FAAH2: variants seen among roughly 807,000 people sequenced by gnomAD.
FAAH2 encodes the protein fatty-acid amide hydrolase 2.
A neutral mutation model predicts 36.9 loss-of-function variants in FAAH2; 60 were observed. The observed-to-expected ratio is 1.63, with a 90% CI of 1.32 to 2.02. The LOEUF is 2.02. Among genes scored for constraint, FAAH2 ranks in the 30% most tolerant of loss-of-function variants. The pLI, the probability that FAAH2 is intolerant of heterozygous loss-of-function variation, is 0.00. For synonymous variants in FAAH2, 214 were observed against 143.8 expected, an observed-to-expected ratio of 1.49 and a Z score of -3.49; for missense variants, 689 against 397.5, an observed-to-expected ratio of 1.73 and a Z score of -6.23.
chrX:57,459,062 C>A (rs1228879746), intron 10 of FAAH2, among the ~76,000 whole-genome samples: 1 of 112,341 alleles, frequency 8.9e-6, no homozygotes. Context: ...TGGAGACAAG[C>A]AAGCTAAGAA....
chrX:57,354,638 G>T (rs1406960560), intron 5 of FAAH2, among the ~76,000 whole-genome samples: 4 of 110,628 alleles, frequency 3.6e-5, no homozygotes, highest in Non-Finnish European at 7.6e-5. Flanking sequence ...TGTCTGTGTT[G>T]TCATCTAAGT....
chrX:57,158,245 T>A, the FAAH2 span, among the ~76,000 whole-genome samples: 2 of 112,184 alleles, frequency 1.8e-5, no homozygotes, highest in Non-Finnish European at 3.8e-5. Context: ...ATCCAGTCTA[T>A]CATTGTTGGA....
chrX:57,135,535 G>A, the FAAH2 span: 1 of 398,562 alleles, frequency 2.5e-6, no homozygotes, highest in Non-Finnish European at 4.2e-6. Flanking sequence ...GACTGATTAT[G>A]ATTCTAGCTG....
At chrX:57,303,534 A>G (rs2052436883) in intron 2 of FAAH2, among the ~76,000 whole-genome samples, 1 of 112,077 alleles carries the variant, frequency 8.9e-6, no homozygotes, top group African/African-American at 3.2e-5. Context: ...TACTGTGTTT[A>G]TGCATTATGA....
At chrX:57,216,541 TAC>T in the FAAH2 span, among the ~76,000 whole-genome samples, 2 of 58,313 alleles carry the variant, frequency 3.4e-5, no homozygotes, top group East Asian at 4.8e-4. Flanking sequence ...TATATATATA[TAC>T]GTATATGTAT....
chrX:57,364,368 A>G lies in FAAH2; in HGVS notation c.743-14283A>G, dbSNP rs1315448584. Among the ~76,000 whole-genome samples the G allele has an allele frequency of 3.0e-5, 3 of 100,126 alleles. No homozygotes were observed. The East Asian group carries it at 9.6e-4, about 32-fold the overall frequency. The allele number at this position is 100,126 out of a possible 115,157, so 86.9% of individuals were successfully genotyped here. A position where few individuals can be genotyped will look rare whatever the true frequency, so the allele number is the denominator to read the frequency against. On this transcript the variant is annotated intron_variant, in intron 5 of 10. Transcript: ENST00000374900. ...GAGGTGTTTGTAATAGTCTCTACAG[A>G]TTTTTTTGTGTTTCTGTGTGGTCAC...
chrX:57,157,818 T>C, the FAAH2 span, among the ~76,000 whole-genome samples: 3 of 111,210 alleles, frequency 2.7e-5, no homozygotes, highest in African/African-American at 9.8e-5. Context: ...TTTTTATTTT[T>C]TATTTTTTAT....
intron 7 of FAAH2, among the ~76,000 whole-genome samples, chrX:57,409,837 GT>G (rs1033336599): frequency 9.2e-6 from 1 of 109,256 alleles, no homozygotes; most frequent in African/African-American, 3.3e-5. Flanking sequence ...TTGTTCTTCA[GT>G]TTTTTAAAAA....
intron 3 of FAAH2, among the ~76,000 whole-genome samples, chrX:57,311,518 C>A (rs951721163): frequency 9.0e-6 from 1 of 111,700 alleles, no homozygotes; most frequent in Non-Finnish European, 1.9e-5. Context: ...GGGCTTGGAG[C>A]CTGGAAGCTT....
chrX:57,165,556 T>G, the FAAH2 span, among the ~76,000 whole-genome samples: 14 of 101,469 alleles, frequency 1.4e-4, no homozygotes, highest in African/African-American at 4.0e-4. Flanking sequence ...TGGGGGAGGG[T>G]GGAGGGATAG....
intron 10 of FAAH2, among the ~76,000 whole-genome samples, chrX:57,449,610 C>T (rs1214914930): frequency 1.8e-5 from 2 of 111,202 alleles, no homozygotes; most frequent in Non-Finnish European, 3.8e-5. Flanking sequence ...TTACTCTCTC[C>T]CTGGCTTTGA....
chrX:57,161,790 C>G, the FAAH2 span, among the ~76,000 whole-genome samples: 1 of 111,712 alleles, frequency 9.0e-6, no homozygotes, highest in South Asian at 3.8e-4. Flanking sequence ...ATACAGCACA[C>G]TGATGGGTCT....
At chrX:57,432,930 C>T (rs1219964328) in intron 8 of FAAH2, among the ~76,000 whole-genome samples, 1 of 107,858 alleles carries the variant, frequency 9.3e-6, no homozygotes, top group Non-Finnish European at 1.9e-5. Context: ...CATACAATAG[C>T]CCTTCCATAA....
the FAAH2 span, among the ~76,000 whole-genome samples, chrX:57,129,693 AT>A: frequency 8.9e-6 from 1 of 112,153 alleles, no homozygotes; most frequent in African/African-American, 3.2e-5. Flanking sequence ...ATACATTATC[AT>A]TTTTTCTTTT....
intron 1 of FAAH2, among the ~76,000 whole-genome samples, chrX:57,287,477 G>A (rs1176285948): frequency 9.0e-6 from 1 of 111,706 alleles, no homozygotes; most frequent in East Asian, 2.8e-4. Flanking sequence ...GTCTAGGATA[G>A]TAAAAGCTGC....
At chrX:57,407,618 C>A (rs973412691) in intron 7 of FAAH2, among the ~76,000 whole-genome samples, 1 of 111,671 alleles carries the variant, frequency 9.0e-6, no homozygotes, top group Non-Finnish European at 1.9e-5. Context: ...GCTTTCCACT[C>A]GGGGTGACTG....
At chrX:57,155,516 A>G in the FAAH2 span, among the ~76,000 whole-genome samples, 1 of 112,207 alleles carries the variant, frequency 8.9e-6, no homozygotes, top group Non-Finnish European at 1.9e-5. Flanking sequence ...ACCATGCCCC[A>G]ATAGCACTGA....
At chrX:57,422,842 T>C (rs961282537) in intron 7 of FAAH2, among the ~76,000 whole-genome samples, 1 of 111,689 alleles carries the variant, frequency 9.0e-6, no homozygotes, top group African/African-American at 3.3e-5. Context: ...AGGTAGAGAG[T>C]CACACTGTAA....
intron 5 of FAAH2, among the ~76,000 whole-genome samples, chrX:57,355,546 T>A (rs1419346343): frequency 9.0e-6 from 1 of 111,366 alleles, no homozygotes; most frequent in Non-Finnish European, 1.9e-5. Context: ...TTACTCCTTT[T>A]CATGCCATTG....
Sources: allele counts gnomAD v4.1 joint callset (sites outside exome capture counted in the v4.1 genomes callset), GRCh38; gene constraint gnomAD v4.1.1; transcripts MANE v1.5; gene names NCBI Gene and HGNC (gene_info 2026-07-23, HGNC 2026-07-21).